Variants in USP7 observed in about 807,000 individuals in gnomAD.
USP7 encodes ubiquitin C-terminal hydrolase 7.
USP7 carries 9 observed loss-of-function variants against 162.9 expected under a neutral mutation model. The observed-to-expected ratio is 0.06, with a 90% CI of 0.03 to 0.10. The LOEUF (loss-of-function observed/expected upper bound fraction) is 0.10, where lower values mean the gene tolerates loss of function less well. USP7 is among the 10% of genes least tolerant of loss of function. USP7 has a pLI of 1.00. For missense variants in USP7, 715 were observed against 1,373.7 expected, an observed-to-expected ratio of 0.52 and a Z score of 7.58; for synonymous variants, 562 against 475.9, an observed-to-expected ratio of 1.18 and a Z score of -2.35.
chr16:8,934,225 G>A (rs191831538), intron 1 of USP7, among the ~76,000 whole-genome samples: 72 of 152,310 alleles, frequency 4.7e-4, no homozygotes, highest in African/African-American at 1.7e-3. Context: ...AGGATCACAT[G>A]TAAGTGTAAG....
chr16:8,899,790 A>G, intron 21 of USP7, 33 bp from the exon 22 acceptor site: 1 of 1,613,692 alleles, frequency 6.2e-7, no homozygotes, highest in Non-Finnish European at 8.5e-7. Flanking sequence ...AGTCTGAATC[A>G]AAGTCCATGG....
At position 8,963,263 on chromosome 16, in the gene USP7, T is replaced by A; in HGVS notation, c.23A>T (p.Gln8Leu). Residue 8 changes from glutamine (Q) to leucine (L), a missense_variant, in exon 1 of 31, where the codon CAG becomes CTG. Transcript: ENST00000344836. MNHQQQQ[Q>L]QQKAGEQQLS... ...CTGCTGCTCGCCCGCTTTCTGCTGC[T>A]GCTGCTGCTGCTGGTGGTTCATGTC... 3.7e-6 allele frequency: 5 copies of A among 1,360,042 alleles called. No homozygotes were observed. Among genetic ancestry groups the A allele is most frequent in the Non-Finnish European group, 4.8e-6 (5 of 1,043,340 alleles). 84.2% of individuals were successfully genotyped at this position (1,360,042 alleles called of 1,614,324 possible). A position where few individuals can be genotyped will look rare whatever the true frequency, so the allele number is the denominator to read the frequency against.
At chr16:8,901,869 C>T in intron 18 of USP7, 1 of 576,476 alleles carries the variant, frequency 1.7e-6, no homozygotes, top group South Asian at 2.1e-5. Context: ...ACAGGACGGC[C>T]CCACGTGGCT....
At position 8,908,453 on chromosome 16, in the gene USP7, A is replaced by G. The variant is rs1488367435; in HGVS notation, c.1162-3T>C. 2 of 1,604,682 alleles carry G rather than the reference A, an allele frequency of 1.2e-6. No individual in the cohort carries two copies. The highest frequency in any genetic ancestry group is 2.2e-5 in the East Asian group (1 of 44,622). Reference sequence around the variant, plus strand: ...AATTTCACACCTTTCTCTGCTTCCTAAACATTGAAAAACAAATGCAAATGT... The same window carrying G: ...AATTTCACACCTTTCTCTGCTTCCTGAACATTGAAAAACAAATGCAAATGT... On this transcript the variant is annotated splice_polypyrimidine_tract_variant and splice_region_variant and intron_variant, in intron 11 of 30. Transcript: ENST00000344836.
intron 16 of USP7, among the ~76,000 whole-genome samples, chr16:8,902,839 G>C (rs572528408): frequency 2.0e-5 from 3 of 151,994 alleles, no homozygotes; most frequent in Admixed American, 2.0e-4. Context: ...AGTGAGCCAA[G>C]ATCGCGCCAC....
intron 3 of USP7, among the ~76,000 whole-genome samples, chr16:8,922,293 A>G (rs1321334109): frequency 6.6e-6 from 1 of 152,224 alleles, no homozygotes; most frequent in South Asian, 2.1e-4. Context: ...GTTCGAGACC[A>G]GCCTGGCCAA....
At chr16:8,917,659 G>A (rs761903176) in intron 6 of USP7, among the ~76,000 whole-genome samples, 12 of 151,594 alleles carry the variant, frequency 7.9e-5, no homozygotes, top group Non-Finnish European at 1.6e-4. Context: ...GATTATAGGC[G>A]AGAGCTACCG....
chr16:8,929,583 C>T (rs1386047117), intron 2 of USP7: 1 of 455,918 alleles, frequency 2.2e-6, no homozygotes, highest in Non-Finnish European at 4.4e-6. Flanking sequence ...GATGGACATG[C>T]TTTTTGACAG....
intron 10 of USP7, among the ~76,000 whole-genome samples, chr16:8,912,845 A>C (rs1003958562): frequency 6.6e-6 from 1 of 152,160 alleles, no homozygotes; most frequent in East Asian, 1.9e-4. Flanking sequence ...CAAACTTCTA[A>C]AAATAAAAAA....
intron 26 of USP7, among the ~76,000 whole-genome samples, chr16:8,896,181 A>T (rs1340680755): frequency 6.6e-6 from 1 of 150,578 alleles, no homozygotes; most frequent in Non-Finnish European, 1.5e-5. Context: ...GAAATATCAG[A>T]AACAGAGACC....
At chr16:8,916,457 A>G in intron 8 of USP7, 45 bp downstream of exon 8, 1 of 1,579,278 alleles carries the variant, frequency 6.3e-7, no homozygotes, top group Admixed American at 1.9e-5. Context: ...ACCATGCTTC[A>G]AAATATTCAT....
intron 8 of USP7, among the ~76,000 whole-genome samples, chr16:8,915,826 G>A (rs1897340470): frequency 6.6e-6 from 1 of 152,140 alleles, no homozygotes; most frequent in Non-Finnish European, 1.5e-5. Context: ...ATGTAAAATT[G>A]TTCACTAAAC....
chr16:8,909,694 G>A (rs1486985720), intron 11 of USP7, among the ~76,000 whole-genome samples: 2 of 152,150 alleles, frequency 1.3e-5, no homozygotes, highest in Non-Finnish European at 2.9e-5. Context: ...TTGGGAGGCC[G>A]AGGCAGGCGG....
chr16:8,899,475 GGGA>G, intron 22 of USP7, 126 bp downstream of exon 22: 1 of 1,187,928 alleles, frequency 8.4e-7, no homozygotes, highest in Non-Finnish European at 1.2e-6. Flanking sequence ...ATCCATCAGT[GGGA>G]GATTTCCTCG....
chr16:8,937,793 G>T (rs898736731), intron 1 of USP7, among the ~76,000 whole-genome samples: 1 of 152,202 alleles, frequency 6.6e-6, no homozygotes, highest in Non-Finnish European at 1.5e-5. Flanking sequence ...CAGTTTGGGA[G>T]ATGAAACACA....
chr16:8,962,926 G>C, intron 1 of USP7: 1 of 184,086 alleles, frequency 5.4e-6, no homozygotes. Context: ...TCCGCTGCCT[G>C]AGCGCTCGAA....
At chr16:8,947,839 A>T (rs531335934) in intron 1 of USP7, among the ~76,000 whole-genome samples, 72 of 152,262 alleles carry the variant, frequency 4.7e-4, no homozygotes, top group African/African-American at 1.6e-3. Flanking sequence ...TGGGCATGCC[A>T]TGCCCCTCCC....
Position 8,928,190 on chromosome 16 carries a change from C to A in USP7, c.184+2103G>T, listed in dbSNP as rs78870959. ...CTCATTAGCTATTTAGCATCTTACACAAGAAATGTCCCTTACTAAGAAGTC... is the reference window on the plus strand; with the variant it reads ...CTCATTAGCTATTTAGCATCTTACAAAAGAAATGTCCCTTACTAAGAAGTC... On this transcript the variant is annotated intron_variant, in intron 2 of 30. Transcript: ENST00000344836. 4.4e-3 allele frequency among the ~76,000 whole-genome samples: 667 copies of A among 152,328 alleles called. 4 individuals are homozygous for A. Among genetic ancestry groups the A allele is most frequent in the African/African-American group, 0.014 (596 of 41,560 alleles).
chr16:8,941,368 T>C (rs753022511), intron 1 of USP7, among the ~76,000 whole-genome samples: 26 of 152,224 alleles, frequency 1.7e-4, no homozygotes, highest in Non-Finnish European at 3.8e-4. Context: ...TCCTGCAGTC[T>C]GCGGTTAACA....
Sources: gnomAD v4.1 joint callset for allele counts (sites outside exome capture counted in the v4.1 genomes callset) on GRCh38, gnomAD v4.1.1 for gene constraint, MANE v1.5 for transcripts, NCBI Gene and HGNC (gene_info 2026-07-23, HGNC 2026-07-21) for gene names.